Variants in BMP6 observed in about 807,000 individuals in gnomAD.
BMP6 encodes VG-1-R.
BMP6 carries 17 observed loss-of-function variants against 54.1 expected under a neutral mutation model. The observed-to-expected ratio is 0.31, with a 90% confidence interval of 0.22 to 0.47. The LOEUF (loss-of-function observed/expected upper bound fraction) is 0.47, where lower values mean the gene tolerates loss of function less well. Among genes scored for constraint, BMP6 ranks in the 20% least tolerant of loss-of-function variants. The pLI, the probability that BMP6 is intolerant of heterozygous loss-of-function variation, is 1.00. For synonymous variants in BMP6, 328 were observed against 291.2 expected (o/e 1.13, Z -1.28); for missense variants, 720 against 690.4 (o/e 1.04, Z -0.48).
chr6:7,775,710 A>G (rs1757852678), intron 1 of BMP6, among the ~76,000 whole-genome samples: 1 of 152,150 alleles, frequency 6.6e-6, no homozygotes, highest in African/African-American at 2.4e-5. Flanking sequence ...CTTGCTTCCC[A>G]AGTCAAAATT....
chr6:7,863,242 C>CGAGG (rs761115112), intron 4 of BMP6, among the ~76,000 whole-genome samples: 9 of 152,210 alleles, frequency 5.9e-5, no homozygotes, highest in Non-Finnish European at 2.9e-5. Context: ...TCGTGATCCA[C>CGAGG]CCACCTTGGC....
intron 1 of BMP6, among the ~76,000 whole-genome samples, chr6:7,806,221 C>G (rs1436994755): frequency 6.6e-6 from 1 of 152,246 alleles, no homozygotes; most frequent in Non-Finnish European, 1.5e-5. Context: ...CATAGCAGAT[C>G]AGGGTCTTCA....
At chr6:7,844,847 T>C (rs1036438480) in intron 1 of BMP6, among the ~76,000 whole-genome samples, 4 of 152,208 alleles carry the variant, frequency 2.6e-5, no homozygotes, top group African/African-American at 9.6e-5. Context: ...GAGAAAACTT[T>C]AACGCAAGAG....
intron 1 of BMP6, among the ~76,000 whole-genome samples, chr6:7,817,804 G>A (rs1020331839): frequency 1.3e-5 from 2 of 152,124 alleles, no homozygotes; most frequent in Admixed American, 1.3e-4. Context: ...TGCTAACCAA[G>A]ATATTAGATT....
intron 4 of BMP6, among the ~76,000 whole-genome samples, 163 bp downstream of exon 4, chr6:7,862,661 G>A (rs1668923420): frequency 6.6e-6 from 1 of 152,182 alleles, no homozygotes; most frequent in Non-Finnish European, 1.5e-5. Context: ...CAGAACATCT[G>A]CGTGGGTTCT....
intron 1 of BMP6, among the ~76,000 whole-genome samples, chr6:7,818,718 C>T (rs1043969800): frequency 3.9e-5 from 6 of 152,226 alleles, no homozygotes; most frequent in African/African-American, 1.4e-4. Context: ...TGCCCCGTAG[C>T]CCTTGCTTTC....
intron 4 of BMP6, among the ~76,000 whole-genome samples, chr6:7,866,913 C>T (rs1010949467): frequency 3.9e-5 from 6 of 152,178 alleles, no homozygotes; most frequent in African/African-American, 7.2e-5. Flanking sequence ...TCTTGTTGGC[C>T]AGACTGGAGT....
intron 1 of BMP6, among the ~76,000 whole-genome samples, chr6:7,826,935 C>T (rs901797228): frequency 6.6e-6 from 1 of 152,156 alleles, no homozygotes; most frequent in African/African-American, 2.4e-5. Flanking sequence ...TATCTCTTGT[C>T]TTCTTTTGCA....
chr6:7,727,175 C>T lies in BMP6; in HGVS notation c.220C>T (p.Gln74Ter). 1 of 1,598,384 alleles carries T rather than the reference C, an allele frequency of 6.3e-7. No individual in the cohort carries two copies. The highest frequency in any genetic ancestry group is 8.5e-7 in the Non-Finnish European group (1 of 1,173,416). Reference sequence around the variant, plus strand: ...CTTCCTGTACCGGCGGCTCAAGACGCAGGAGAAGCGGGAGATGCAGAAGGA... The same window carrying T: ...CTTCCTGTACCGGCGGCTCAAGACGTAGGAGAAGCGGGAGATGCAGAAGGA... ...SGFLYRRLKTQEKREMQKEIL... is the reference protein window; with the variant it reads ...SGFLYRRLKT The change falls in exon 1 of 7, where the codon CAG becomes TAG. Residue 74 changes from glutamine to a stop codon, truncating the protein, a stop_gained. Transcript: ENST00000283147. LOFTEE classifies it high-confidence loss of function.
At chr6:7,865,670 A>G (rs1759410065) in intron 4 of BMP6, among the ~76,000 whole-genome samples, 1 of 152,194 alleles carries the variant, frequency 6.6e-6, no homozygotes, top group African/African-American at 2.4e-5. Flanking sequence ...TTCATGAACC[A>G]GGTAGACATT....
chr6:7,797,210 C>A (rs1758203982), intron 1 of BMP6, among the ~76,000 whole-genome samples: 2 of 152,152 alleles, frequency 1.3e-5, no homozygotes, highest in Admixed American at 1.3e-4. Context: ...CTGGAAATTT[C>A]AGGTGGTGCT....
intron 4 of BMP6, among the ~76,000 whole-genome samples, chr6:7,868,487 T>A (rs1355146122): frequency 6.6e-6 from 1 of 152,154 alleles, no homozygotes; most frequent in African/African-American, 2.4e-5. Context: ...TTGTTTTGGA[T>A]AAGATGGGGC....
chr6:7,800,461 C>T (rs532435691), intron 1 of BMP6, among the ~76,000 whole-genome samples: 2 of 152,130 alleles, frequency 1.3e-5, no homozygotes, highest in Admixed American at 6.5e-5. Flanking sequence ...GCCTGAGTGT[C>T]TCACAAAATC....
chr6:7,817,104 T>TC (rs1179246752), intron 1 of BMP6, among the ~76,000 whole-genome samples: 1 of 152,240 alleles, frequency 6.6e-6, no homozygotes, highest in Non-Finnish European at 1.5e-5. Flanking sequence ...GTCTATTTTT[T>TC]CAATACCTTG....
intron 1 of BMP6, among the ~76,000 whole-genome samples, chr6:7,789,409 C>T (rs1758062698): frequency 1.3e-5 from 2 of 151,862 alleles, no homozygotes; most frequent in Non-Finnish European, 2.9e-5. Flanking sequence ...AGGAAAAGGT[C>T]AAAGAAAAAC....
intron 1 of BMP6, among the ~76,000 whole-genome samples, chr6:7,767,740 C>G (rs1203308348): frequency 6.6e-6 from 1 of 152,204 alleles, no homozygotes; most frequent in Non-Finnish European, 1.5e-5. Flanking sequence ...AACAGCCCTG[C>G]TACGTCTGAG....
At position 7,763,551 on chromosome 6, in the gene BMP6, A is replaced by T. The variant is rs1017387914; in HGVS notation, c.664+35932A>T. On this transcript the variant is annotated intron_variant, in intron 1 of 6. Transcript: ENST00000283147. ...AGAGGCTGGCGGGTTTCATGCTAAA[A>T]GCTATTTGCTACAGGGGACAATTTG... Among the ~76,000 whole-genome samples the T allele has an allele frequency of 3.3e-5, 5 of 152,138 alleles. No homozygotes were observed. In the South Asian group the frequency reaches 8.3e-4, roughly 25 times the overall value.
In BMP6 at chr6:7,799,517, C is replaced by T. The variant is rs1030863211; in HGVS notation, c.665-45623C>T. On this transcript the variant is annotated intron_variant, in intron 1 of 6. Transcript: ENST00000283147. The stretch of plus-strand genomic sequence containing the variant: ...AGTTATTTAACTCTTCTGGGCCTTC[C>T]TTATAAATAAGGAGTATAGACAATG... Among the ~76,000 whole-genome samples the T allele has an allele frequency of 1.1e-4, 16 of 152,174 alleles. No homozygotes were observed. The South Asian group carries it at 2.3e-3, about 22-fold the overall frequency.
chr6:7,880,112 G>GGA lies in BMP6; in HGVS notation c.1392+14_1392+15dup, dbSNP rs755295884. The GGA allele has an allele frequency of 1.9e-6, 3 of 1,614,080 alleles. No individual in the cohort carries two copies. The highest frequency in any genetic ancestry group is 2.5e-6 in the Non-Finnish European group (3 of 1,179,964). ...ATTGTGCAGACCTTGGTGAGCTCTCGGAGACTTTGTTTTGTAAGTGGGAGT... is the reference window on the plus strand; with the variant it reads ...ATTGTGCAGACCTTGGTGAGCTCTCGGAGAGACTTTGTTTTGTAAGTGGGAGT... On this transcript the variant is annotated intron_variant, in intron 6 of 6. Coordinates refer to ENST00000283147, the MANE Select transcript of BMP6 (RefSeq NM_001718.6).
Sources: gnomAD v4.1 joint callset for allele counts (sites outside exome capture counted in the v4.1 genomes callset) on GRCh38, gnomAD v4.1.1 for gene constraint, MANE v1.5 for transcripts, NCBI Gene and HGNC (gene_info 2026-07-23, HGNC 2026-07-21) for gene names.